EDIL3: variants seen among roughly 807,000 people sequenced by gnomAD.
The protein encoded by EDIL3 is EGF-like repeat and discoidin I-like domain-containing protein 3.
EDIL3 carries 37 observed loss-of-function variants against 67.4 expected under a neutral mutation model. The ratio of observed to expected loss-of-function variants is 0.55; its 90% CI spans 0.42 to 0.72. EDIL3 has a LOEUF of 0.72. EDIL3 is among the 30% of genes least tolerant of loss of function. The pLI is 0.00. For synonymous variants in EDIL3, 195 were observed against 196.3 expected (o/e 0.99, Z 0.05); for missense variants, 527 against 586.3 (o/e 0.90, Z 1.04).
chr5:84,221,094 G>A (rs555897143), intron 3 of EDIL3, among the ~76,000 whole-genome samples: 5 of 151,928 alleles, frequency 3.3e-5, no homozygotes, highest in African/African-American at 1.2e-4. Context: ...CTGTTACCTA[G>A]AACTAAGGAA....
At chr5:84,178,393 C>A (rs1748956756) in intron 4 of EDIL3, among the ~76,000 whole-genome samples, 1 of 152,098 alleles carries the variant, frequency 6.6e-6, no homozygotes, top group South Asian at 2.1e-4. Flanking sequence ...AACCCAGATA[C>A]CTAGCAATCC....
At chr5:84,235,670 G>C (rs1035693815) in intron 2 of EDIL3, among the ~76,000 whole-genome samples, 3 of 151,958 alleles carry the variant, frequency 2.0e-5, no homozygotes, top group Admixed American at 6.6e-5. Flanking sequence ...ATACACAAAT[G>C]TTTAATACAG....
intron 5 of EDIL3, among the ~76,000 whole-genome samples, chr5:84,114,683 C>T (rs1747632896): frequency 6.6e-6 from 1 of 152,118 alleles, no homozygotes; most frequent in Admixed American, 6.5e-5. Flanking sequence ...ACTTGGATTC[C>T]ATATAAATTG....
chr5:84,001,742 C>T (rs886772785), intron 9 of EDIL3, among the ~76,000 whole-genome samples: 4 of 151,910 alleles, frequency 2.6e-5, no homozygotes, highest in African/African-American at 9.7e-5. Context: ...TGAAGAAATC[C>T]AAAACCTGAA....
chr5:84,331,416 G>T (rs115630255), intron 1 of EDIL3, among the ~76,000 whole-genome samples: 2,685 of 152,260 alleles, frequency 0.018, 41 homozygotes, highest in Middle Eastern at 0.031. Flanking sequence ...GGAGGTAATT[G>T]AATCATGGGG....
intron 9 of EDIL3, among the ~76,000 whole-genome samples, chr5:83,979,999 A>C (rs1426699441): frequency 6.6e-6 from 1 of 152,090 alleles, no homozygotes; most frequent in Non-Finnish European, 1.5e-5. Flanking sequence ...ATTGGAAAAA[A>C]CCTAATAGAT....
chr5:84,048,292 A>G lies in EDIL3; in HGVS notation c.1137+12008T>C, dbSNP rs1356961403. 6.9e-6 allele frequency: 3 copies of G among 433,886 alleles called. No homozygotes were observed. In the Admixed American group the frequency reaches 7.6e-5, roughly 11 times the overall value. 26.9% of individuals were successfully genotyped at this position (433,886 alleles called of 1,614,324 possible). A position where few individuals can be genotyped will look rare whatever the true frequency, so the allele number is the denominator to read the frequency against. On this transcript the variant is annotated intron_variant, in intron 9 of 10. Transcript: ENST00000296591. ...GTTCTCCTGTAAATAAATTGTTCAG[A>G]AGGCAAAATAAGTTAATGCTTTAAT...
intron 1 of EDIL3, among the ~76,000 whole-genome samples, chr5:84,346,738 A>G (rs533927761): frequency 4.1e-4 from 63 of 152,276 alleles, no homozygotes; most frequent in African/African-American, 1.4e-3. Flanking sequence ...GATTTTTGTG[A>G]AACTCTTTGG....
chr5:84,095,357 C>G (rs996542764), intron 6 of EDIL3, among the ~76,000 whole-genome samples: 1 of 152,064 alleles, frequency 6.6e-6, no homozygotes, highest in African/African-American at 2.4e-5. Flanking sequence ...CAGAAAAAGA[C>G]AGAAAAACAT....
chr5:84,136,927 G>A (rs1397128204), intron 5 of EDIL3, among the ~76,000 whole-genome samples: 2 of 152,048 alleles, frequency 1.3e-5, no homozygotes, highest in East Asian at 1.9e-4. Context: ...AATGGGATTC[G>A]TGGAACTTGA....
chr5:84,000,896 ATTTATTTAAAAATAAAAT>A (rs1745319440), intron 9 of EDIL3, among the ~76,000 whole-genome samples: 1 of 151,690 alleles, frequency 6.6e-6, no homozygotes, highest in Non-Finnish European at 1.5e-5. Context: ...AATAAATTTT[ATTTATTTAAAAATAAAAT>A]TTAAAAATTT....
chr5:84,309,313 GTTT>G, intron 1 of EDIL3, among the ~76,000 whole-genome samples: 1 of 89,306 alleles, frequency 1.1e-5, no homozygotes. Context: ...TTTTTTCTTT[GTTT>G]TTTTTTTTTT....
At chr5:84,257,915 T>G (rs1745150033) in intron 1 of EDIL3, among the ~76,000 whole-genome samples, 1 of 152,124 alleles carries the variant, frequency 6.6e-6, no homozygotes, top group Non-Finnish European at 1.5e-5. Flanking sequence ...AGATTCTTCA[T>G]AAAAGAAAGA....
intron 9 of EDIL3, among the ~76,000 whole-genome samples, chr5:84,039,754 G>A (rs1354114824): frequency 6.6e-6 from 1 of 151,936 alleles, no homozygotes; most frequent in African/African-American, 2.4e-5. Flanking sequence ...TACATCCCAT[G>A]TAATATTTAG....
chr5:84,119,972 A>C (rs930394111), intron 5 of EDIL3, among the ~76,000 whole-genome samples: 2 of 152,006 alleles, frequency 1.3e-5, no homozygotes, highest in Admixed American at 1.3e-4. Flanking sequence ...CTAAGGACAT[A>C]AAGGGGATGT....
chr5:84,103,874 C>A (rs4703983), intron 6 of EDIL3, among the ~76,000 whole-genome samples: 8,833 of 151,958 alleles, frequency 0.058, 883 homozygotes, highest in African/African-American at 0.2. Context: ...TGGGTATATA[C>A]CCAAAGGAAT....
intron 1 of EDIL3, among the ~76,000 whole-genome samples, chr5:84,303,021 G>T (rs1746190721): frequency 6.6e-6 from 1 of 152,098 alleles, no homozygotes. Flanking sequence ...ACCTAACTTG[G>T]GATCTCATTC....
intron 10 of EDIL3, among the ~76,000 whole-genome samples, chr5:83,953,057 G>C (rs1413504516): frequency 6.6e-6 from 1 of 151,788 alleles, no homozygotes; most frequent in Non-Finnish European, 1.5e-5. Context: ...CTAGGTGTGA[G>C]CGTAAGCATG....
intron 9 of EDIL3, among the ~76,000 whole-genome samples, chr5:84,015,518 A>G (rs951352187): frequency 1.3e-5 from 2 of 152,212 alleles, no homozygotes; most frequent in African/African-American, 4.8e-5. Flanking sequence ...TAAAACAGAA[A>G]TTAAAAGAAA....
Sources: gnomAD v4.1 joint callset for allele counts (sites outside exome capture counted in the v4.1 genomes callset) on GRCh38, gnomAD v4.1.1 for gene constraint, MANE v1.5 for transcripts, NCBI Gene and HGNC (gene_info 2026-07-23, HGNC 2026-07-21) for gene names.